Variants in CPPED1 observed in about 807,000 individuals in gnomAD.
CPPED1 encodes serine/threonine-protein phosphatase CPPED1.
Under a neutral mutation model 28.0 loss-of-function variants are expected in CPPED1, and 28 were observed. The ratio of observed to expected loss-of-function variants is 1.00; its 90% CI spans 0.74 to 1.37. CPPED1 has a LOEUF of 1.37. Among genes scored for constraint, CPPED1 ranks in the 40% most tolerant of loss-of-function variants. The pLI is 0.00. For synonymous variants in CPPED1, 198 were observed against 180.2 expected (o/e 1.10, Z -0.79); for missense variants, 504 against 416.5 (o/e 1.21, Z -1.83).
chr16:12,803,661 T>C (rs1338500604), intron 1 of CPPED1, 46 bp downstream of exon 1: 2 of 1,411,348 alleles, frequency 1.4e-6, no homozygotes, highest in Non-Finnish European at 1.9e-6. Flanking sequence ...CGGCGGAAGG[T>C]TCCGCAGCCC....
chr16:12,680,114 T>TA (rs2079897335), intron 3 of CPPED1, among the ~76,000 whole-genome samples: 1 of 152,112 alleles, frequency 6.6e-6, no homozygotes, highest in African/African-American at 2.4e-5. Context: ...TTCAGTTTCC[T>TA]AAAAAAATCA....
At chr16:12,786,544 C>T (rs554669373) in intron 1 of CPPED1, among the ~76,000 whole-genome samples, 1 of 152,176 alleles carries the variant, frequency 6.6e-6, no homozygotes, top group Non-Finnish European at 1.5e-5. Flanking sequence ...CTAAATATTT[C>T]TTATTTCTCT....
chr16:12,714,030 T>A (rs544501062), intron 2 of CPPED1, among the ~76,000 whole-genome samples: 1 of 152,182 alleles, frequency 6.6e-6, no homozygotes, highest in African/African-American at 2.4e-5. Flanking sequence ...TAGAATCATA[T>A]AAAATGTAGG....
At chr16:12,751,808 C>G (rs1241130936) in intron 2 of CPPED1, among the ~76,000 whole-genome samples, 1 of 152,166 alleles carries the variant, frequency 6.6e-6, no homozygotes, top group East Asian at 1.9e-4. Flanking sequence ...AATCTTTAGA[C>G]TATTTTTGGT....
At chr16:12,731,672 G>A (rs1422159814) in intron 2 of CPPED1, among the ~76,000 whole-genome samples, 1 of 151,390 alleles carries the variant, frequency 6.6e-6, no homozygotes, top group Non-Finnish European at 1.5e-5. Flanking sequence ...TGGGCGAGAA[G>A]GCCTCCCTCC....
At chr16:12,717,079 A>G (rs1000745431) in intron 2 of CPPED1, among the ~76,000 whole-genome samples, 1 of 152,140 alleles carries the variant, frequency 6.6e-6, no homozygotes, top group Non-Finnish European at 1.5e-5. Context: ...TTTCCTAACC[A>G]AAGGTAATAG....
chr16:12,781,277 C>A lies in CPPED1; in HGVS notation c.197G>T (p.Arg66Leu). The change falls in exon 2 of 4, where the codon CGT (arginine) becomes CTT (leucine). Residue 66 changes from arginine (R) to leucine (L), a missense_variant. By Grantham distance (102) the Arg-to-Leu change is moderately radical. Transcript: ENST00000381774. ...GGCCTGGACGGCTTGCTCAGTTAGA[C>A]GGATCTCCTGTTCCCATTCGTCACC... ...NGGDEWEQEI[R>L]LTEQAVQAIN... 1.2e-6 allele frequency: 2 copies of A among 1,614,106 alleles called. No individual in the cohort carries two copies. Among genetic ancestry groups the A allele is most frequent in the African/African-American group, 1.3e-5 (1 of 75,034 alleles).
At chr16:12,723,239 GCCTTAGGCAATTA>G (rs2080151299) in intron 2 of CPPED1, among the ~76,000 whole-genome samples, 1 of 152,176 alleles carries the variant, frequency 6.6e-6, no homozygotes, top group Non-Finnish European at 1.5e-5. Context: ...CAGTGGGCGA[GCCTTAGGCAATTA>G]CAGGTGTGAC....
intron 2 of CPPED1, among the ~76,000 whole-genome samples, chr16:12,765,593 A>G (rs1041011827): frequency 2.0e-5 from 3 of 152,248 alleles, no homozygotes; most frequent in Non-Finnish European, 2.9e-5. Context: ...ATTTCTTCAC[A>G]AGAATATTTA....
At position 12,670,200 on chromosome 16, in the gene CPPED1, T is replaced by C. The variant is rs551908518; in HGVS notation, c.716-5085A>G. Among the ~76,000 whole-genome samples, 12 of 152,082 alleles carry C rather than the reference T, an allele frequency of 7.9e-5. No homozygotes were observed. The highest frequency in any genetic ancestry group is 2.9e-4 in the African/African-American group (12 of 41,484). ...GGTCCTAGATCTCAGGAGGCTGAGG[T>C]GGGAGGATTGCTTGAGCCTGGAAGT... On this transcript the variant is annotated intron_variant, in intron 3 of 3. Transcript: ENST00000381774. This position sits in a 1 kb window ranked among gnomAD's most constrained non-coding sequence, Gnocchi z 4.2.
intron 1 of CPPED1, among the ~76,000 whole-genome samples, chr16:12,788,744 C>T (rs1028672778): frequency 1.3e-5 from 2 of 152,218 alleles, no homozygotes; most frequent in Non-Finnish European, 2.9e-5. Flanking sequence ...GGGCTTCCCT[C>T]AAGTTATCCA....
chr16:12,764,307 G>C lies in CPPED1; in HGVS notation c.289+16878C>G, dbSNP rs563299430. ...CAACCTCCACTTCCCAAGTTCAAGC[G>C]ATTCTCGTGCCTCAGCCTCCCAAGT... On this transcript the variant is annotated intron_variant, in intron 2 of 3. Coordinates refer to ENST00000381774, the MANE Select transcript of CPPED1 (RefSeq NM_018340.3). Among the ~76,000 whole-genome samples, 434 of 151,860 alleles carry C rather than the reference G, an allele frequency of 2.9e-3. 1 individual carries two copies. The highest frequency in any genetic ancestry group is 0.01 in the African/African-American group (418 of 41,410).
intron 1 of CPPED1, among the ~76,000 whole-genome samples, chr16:12,783,701 T>A (rs2080546055): frequency 6.6e-6 from 1 of 152,128 alleles, no homozygotes. Flanking sequence ...CTTTCCCTTC[T>A]TAATTCCTTT....
intron 2 of CPPED1, among the ~76,000 whole-genome samples, chr16:12,712,506 G>A (rs147108104): frequency 6.6e-6 from 1 of 152,104 alleles, no homozygotes; most frequent in South Asian, 2.1e-4. Context: ...ATTCCTTGTA[G>A]CAACAATTGA....
chr16:12,788,972 A>T (rs1198569827), intron 1 of CPPED1, among the ~76,000 whole-genome samples: 1 of 152,214 alleles, frequency 6.6e-6, no homozygotes, highest in Non-Finnish European at 1.5e-5. Context: ...TCTTCCAGAG[A>T]TTACAAACTC....
intron 3 of CPPED1, among the ~76,000 whole-genome samples, chr16:12,688,007 C>CA (rs1386311411): frequency 8.6e-5 from 13 of 150,968 alleles, no homozygotes; most frequent in African/African-American, 2.9e-4. Flanking sequence ...GTCACAAGGC[C>CA]AGCAGGTGCC....
intron 1 of CPPED1, among the ~76,000 whole-genome samples, chr16:12,791,415 A>G (rs2080595840): frequency 6.6e-6 from 1 of 152,130 alleles, no homozygotes; most frequent in South Asian, 2.1e-4. Context: ...CTATGGCTGC[A>G]CATCTTTCTT....
At chr16:12,702,686 A>G (rs1360069974) in intron 3 of CPPED1, among the ~76,000 whole-genome samples, 1 of 152,156 alleles carries the variant, frequency 6.6e-6, no homozygotes, top group African/African-American at 2.4e-5. Context: ...CAGGGCAGTC[A>G]TGGGCTTTAC....
In CPPED1 at chr16:12,664,677, A is replaced by C; in HGVS notation, c.*209T>G. 7.1e-7 allele frequency: 1 copy of C among 1,403,546 alleles called. No homozygotes were observed. The highest frequency in any genetic ancestry group is 9.2e-7 in the Non-Finnish European group (1 of 1,089,242). 86.9% of individuals were successfully genotyped at this position (1,403,546 alleles called of 1,614,324 possible). ...AATATTTTAAAAACTGATTTCCAGGATCATTCGCTCCATTTTAAAGGAAAT... is the reference window on the plus strand; with the variant it reads ...AATATTTTAAAAACTGATTTCCAGGCTCATTCGCTCCATTTTAAAGGAAAT... On this transcript the variant is annotated 3_prime_UTR_variant, in exon 4 of 4. Coordinates refer to ENST00000381774, the MANE Select transcript of CPPED1 (RefSeq NM_018340.3). The surrounding 1 kb of genome is among the most constrained non-coding windows in gnomAD (Gnocchi z 4.2).
Sources: allele counts gnomAD v4.1 joint callset (sites outside exome capture counted in the v4.1 genomes callset), GRCh38; gene constraint gnomAD v4.1.1; non-coding constraint Gnocchi (gnomAD v3.1); transcripts MANE v1.5; gene names NCBI Gene and HGNC (gene_info 2026-07-23, HGNC 2026-07-21).